Variants in NRG3 observed in about 807,000 individuals in gnomAD.
The protein encoded by NRG3 is neuregulin 3.
NRG3 carries 31 observed loss-of-function variants against 66.9 expected under a neutral mutation model. The observed-to-expected ratio is 0.46, with a 90% CI of 0.35 to 0.63. The LOEUF is 0.63. Ranked by LOEUF, NRG3 falls within the 20% of genes least tolerant of loss-of-function variation. The pLI, the probability that NRG3 is intolerant of heterozygous loss-of-function variation, is 0.00. For synonymous variants in NRG3, 393 were observed against 359.4 expected (o/e 1.09, Z -1.06); for missense variants, 910 against 878.9 (o/e 1.04, Z -0.45).
At chr10:82,277,368 A>G (rs2078905232) in intron 1 of NRG3, among the ~76,000 whole-genome samples, 3 of 152,080 alleles carry the variant, frequency 2.0e-5, no homozygotes, top group Admixed American at 2.0e-4. Context: ...CCAGAGTAGG[A>G]CTTCTAAGTT....
intron 4 of NRG3, among the ~76,000 whole-genome samples, chr10:82,884,990 G>A (rs932868337): frequency 2.6e-5 from 4 of 152,158 alleles, no homozygotes; most frequent in African/African-American, 7.2e-5. Flanking sequence ...TGAGATGGGC[G>A]TGGATGTCCC....
chr10:82,047,954 C>A (rs1340118606), intron 1 of NRG3, among the ~76,000 whole-genome samples: 1 of 151,938 alleles, frequency 6.6e-6, no homozygotes, highest in Non-Finnish European at 1.5e-5. Context: ...CAATCCTCAT[C>A]TCTGATAAAA....
Position 82,676,890 on chromosome 10 carries a change from T to C in NRG3, c.954-61687T>C, listed in dbSNP as rs562128826. The stretch of plus-strand genomic sequence containing the variant: ...CTTTTAAGGGGAGTTAACGCATTTG[T>C]TGGGCTCTAGGTCACTTTGAGGCAG... On this transcript the variant is annotated intron_variant, in intron 2 of 8. Coordinates refer to ENST00000372141, the MANE Select transcript of NRG3 (RefSeq NM_001010848.4). Among the ~76,000 whole-genome samples the C allele has an allele frequency of 2.6e-5, 4 of 152,240 alleles. No individual in the cohort carries two copies. In the South Asian group the frequency reaches 8.3e-4, roughly 32 times the overall value.
intron 1 of NRG3, among the ~76,000 whole-genome samples, chr10:82,308,592 C>T (rs976330081): frequency 6.6e-6 from 1 of 152,060 alleles, no homozygotes; most frequent in Non-Finnish European, 1.5e-5. Flanking sequence ...TTTATGATTA[C>T]CAGAAAAATT....
At chr10:82,454,985 A>C (rs2136635477) in intron 2 of NRG3, among the ~76,000 whole-genome samples, 1 of 152,314 alleles carries the variant, frequency 6.6e-6, no homozygotes, top group South Asian at 2.1e-4. Flanking sequence ...GACAGCACAG[A>C]CACTTTAAGT....
chr10:82,586,240 T>TAAAA (rs56840714), intron 2 of NRG3, among the ~76,000 whole-genome samples: 310 of 144,186 alleles, frequency 2.2e-3, no homozygotes, highest in African/African-American at 5.8e-3. Flanking sequence ...TTGAAATTAT[T>TAAAA]AAAAAAAAAA....
intron 1 of NRG3, among the ~76,000 whole-genome samples, chr10:82,208,149 A>T (rs1564664564): frequency 6.6e-6 from 1 of 152,188 alleles, no homozygotes; most frequent in Admixed American, 6.6e-5. Flanking sequence ...TATAAATTAT[A>T]TGAAATGATT....
At chr10:82,489,646 A>G (rs111743759) in intron 2 of NRG3, among the ~76,000 whole-genome samples, 219 of 152,328 alleles carry the variant, frequency 1.4e-3, no homozygotes, top group African/African-American at 5.1e-3. Flanking sequence ...GAAGGCATCC[A>G]TTTTAGAGAA....
intron 1 of NRG3, among the ~76,000 whole-genome samples, chr10:82,057,280 T>C (rs2063893045): frequency 6.7e-6 from 1 of 148,812 alleles, no homozygotes; most frequent in Non-Finnish European, 1.5e-5. Flanking sequence ...CAAATACGTA[T>C]GTATAATTTT....
At chr10:82,528,605 G>C (rs933880179) in intron 2 of NRG3, among the ~76,000 whole-genome samples, 1 of 152,122 alleles carries the variant, frequency 6.6e-6, no homozygotes, top group Non-Finnish European at 1.5e-5. Flanking sequence ...GTCTTTCTCT[G>C]CTGTCTCGGA....
At chr10:82,413,386 A>C (rs1295786714) in intron 2 of NRG3, among the ~76,000 whole-genome samples, 1 of 152,190 alleles carries the variant, frequency 6.6e-6, no homozygotes, top group East Asian at 1.9e-4. Context: ...AGGTCTCAAT[A>C]GTGGGCTTAA....
At chr10:82,847,114 T>C (rs2063342298) in intron 3 of NRG3, among the ~76,000 whole-genome samples, 1 of 152,180 alleles carries the variant, frequency 6.6e-6, no homozygotes, top group Non-Finnish European at 1.5e-5. Context: ...TGCCTTCGAA[T>C]TGCAGGAAGG....
intron 1 of NRG3, among the ~76,000 whole-genome samples, chr10:82,238,121 G>A (rs1376187666): frequency 6.6e-6 from 1 of 151,986 alleles, no homozygotes; most frequent in Non-Finnish European, 1.5e-5. Flanking sequence ...ACAAAACAAG[G>A]ATTTCCATTT....
At chr10:82,257,942 T>C (rs2077820169) in intron 1 of NRG3, among the ~76,000 whole-genome samples, 1 of 152,178 alleles carries the variant, frequency 6.6e-6, no homozygotes, top group Non-Finnish European at 1.5e-5. Context: ...GGGCCTTACA[T>C]GAGTGGATAA....
chr10:81,987,438 A>G (rs541128661), intron 1 of NRG3, among the ~76,000 whole-genome samples: 15 of 152,320 alleles, frequency 9.8e-5, no homozygotes, highest in Non-Finnish European at 1.8e-4. Context: ...TTTTGACACG[A>G]TATCCCATTT....
At chr10:82,880,665 A>G (rs1033244005) in intron 4 of NRG3, among the ~76,000 whole-genome samples, 1 of 152,194 alleles carries the variant, frequency 6.6e-6, no homozygotes, top group African/African-American at 2.4e-5. Flanking sequence ...ACACTCAACT[A>G]GGCCCTCAGC....
intron 2 of NRG3, among the ~76,000 whole-genome samples, chr10:82,486,088 C>A (rs1282616081): frequency 6.6e-6 from 1 of 152,030 alleles, no homozygotes; most frequent in South Asian, 2.1e-4. Context: ...AAGTCAAAAC[C>A]AAAATGAAAT....
At chr10:81,932,959 G>A (rs962124418) in intron 1 of NRG3, among the ~76,000 whole-genome samples, 1 of 151,874 alleles carries the variant, frequency 6.6e-6, no homozygotes, top group African/African-American at 2.4e-5. Flanking sequence ...GTACAAGAAA[G>A]TTAGCCAGGC....
At chr10:82,170,544 T>A (rs1410427593) in intron 1 of NRG3, among the ~76,000 whole-genome samples, 2 of 151,066 alleles carry the variant, frequency 1.3e-5, no homozygotes, top group Admixed American at 1.3e-4. Context: ...AGCTTTTTCA[T>A]TTATTAGTTG....
Sources: gnomAD v4.1 joint callset for allele counts (sites outside exome capture counted in the v4.1 genomes callset) on GRCh38, gnomAD v4.1.1 for gene constraint, MANE v1.5 for transcripts, NCBI Gene and HGNC (gene_info 2026-07-23, HGNC 2026-07-21) for gene names.